The following IBTK variants were observed in gnomAD, a reference collection of about 807,000 sequenced individuals.
IBTK encodes the protein inhibitor of Bruton tyrosine kinase.
Under a neutral mutation model 154.9 loss-of-function variants are expected in IBTK, and 83 were observed. The observed-to-expected ratio is 0.54, with a 90% confidence interval of 0.45 to 0.64. The LOEUF is 0.64. Among genes scored for constraint, IBTK ranks in the 30% least tolerant of loss-of-function variants. The probability of loss-of-function intolerance (pLI) is 0.00; values close to 1 mark genes in which losing one functional copy is unlikely to be tolerated. For missense variants in IBTK, 1,332 were observed against 1,584.6 expected, an observed-to-expected ratio of 0.84 and a Z score of 2.71; for synonymous variants, 515 against 536.1, an observed-to-expected ratio of 0.96 and a Z score of 0.54.
intron 20 of IBTK, 49 bp downstream of exon 20, chr6:82,200,538 A>G: frequency 7.0e-7 from 1 of 1,427,170 alleles, no homozygotes; most frequent in African/African-American, 1.5e-5. Flanking sequence ...CACTGGAGAA[A>G]AGAAGGAAGA....
At chr6:82,223,687 A>G (rs2127820354) in intron 7 of IBTK, 67 bp from the exon 8 acceptor site, 1 of 1,354,048 alleles carries the variant, frequency 7.4e-7, no homozygotes, top group East Asian at 2.4e-5. Context: ...AGCCAAGCAC[A>G]GTGTCTCATG....
chr6:82,217,139 T>A (rs971030693), intron 10 of IBTK, among the ~76,000 whole-genome samples: 1 of 152,110 alleles, frequency 6.6e-6, no homozygotes, highest in South Asian at 2.1e-4. Context: ...AATCTGAGTG[T>A]CAAAGATAAT....
intron 1 of IBTK, among the ~76,000 whole-genome samples, chr6:82,246,332 A>AT (rs1282136882): frequency 1.3e-5 from 2 of 150,000 alleles, no homozygotes; most frequent in Non-Finnish European, 3.0e-5. Context: ...TGCCTGGCTG[A>AT]TTTTTTTGTA....
At chr6:82,211,013 C>G (rs1241598539) in intron 15 of IBTK, 103 bp from the exon 16 acceptor site, 1 of 527,554 alleles carries the variant, frequency 1.9e-6, no homozygotes, top group East Asian at 3.4e-5. Flanking sequence ...AACAGGAAAT[C>G]ACATCAAATG....
chr6:82,196,837 G>T (rs1769005989), intron 21 of IBTK, among the ~76,000 whole-genome samples: 1 of 152,258 alleles, frequency 6.6e-6, no homozygotes, highest in East Asian at 1.9e-4. Context: ...TTGGTACAGT[G>T]GTCTCCGCAC....
intron 17 of IBTK, among the ~76,000 whole-genome samples, chr6:82,204,329 A>T (rs1410853124): frequency 1.3e-5 from 2 of 152,170 alleles, no homozygotes; most frequent in Admixed American, 6.5e-5. Flanking sequence ...CCAAAATAAT[A>T]AAGAAAAACT....
chr6:82,239,431 C>T (rs571971711), intron 2 of IBTK, among the ~76,000 whole-genome samples: 13 of 151,896 alleles, frequency 8.6e-5, no homozygotes, highest in East Asian at 1.9e-4. Context: ...GGCGACAGAG[C>T]GAAACTCCAT....
At chr6:82,194,678 C>A (rs1185211150) in intron 22 of IBTK, 36 bp from the exon 23 acceptor site, 6 of 1,463,668 alleles carry the variant, frequency 4.1e-6, no homozygotes, top group South Asian at 3.1e-5. Context: ...AGTTAACAGG[C>A]ACCTAGAACA....
chr6:82,227,348 ATCCTT>A, intron 4 of IBTK, 46 bp from the exon 5 acceptor site: 1 of 1,125,734 alleles, frequency 8.9e-7, no homozygotes, highest in Non-Finnish European at 1.3e-6. Context: ...TGAATAAAAT[ATCCTT>A]TATTTTATGA....
intron 4 of IBTK, 141 bp downstream of exon 4, chr6:82,231,577 C>A: frequency 1.8e-6 from 1 of 544,698 alleles, no homozygotes; most frequent in Non-Finnish European, 3.1e-6. Context: ...ATAAAATTAG[C>A]AAAGTTCTAT....
intron 9 of IBTK, among the ~76,000 whole-genome samples, chr6:82,218,435 T>C (rs1179909812): frequency 6.6e-6 from 1 of 152,166 alleles, no homozygotes; most frequent in East Asian, 1.9e-4. Context: ...ACAGATGTGC[T>C]ACAATGCTAA....
rs1270151835 is a variant in IBTK, at chr6:82,182,013, A to C, written c.3591T>G (p.His1197Gln). 6.3e-7 allele frequency: 1 copy of C among 1,598,928 alleles called. No individual in the cohort carries two copies. The highest frequency in any genetic ancestry group is 2.3e-5 in the East Asian group (1 of 44,384). ...KPVNAWASSL[H>Q]SVSSKSFRDF... Reference sequence around the variant, plus strand: ...CCCGGAATGACTTGGATGAAACTGAATGCAGAGAAGATGCCCTGCAAAAGA... The same window carrying C: ...CCCGGAATGACTTGGATGAAACTGACTGCAGAGAAGATGCCCTGCAAAAGA... Residue 1197 changes from histidine to glutamine, a missense_variant, in exon 26 of 29, where the codon CAT becomes CAG. By Grantham distance (24) the His-to-Gln change is conservative. Transcript: ENST00000306270.
At chr6:82,213,542 T>A (rs1457799139) in intron 12 of IBTK, among the ~76,000 whole-genome samples, 1 of 152,172 alleles carries the variant, frequency 6.6e-6, no homozygotes, top group Non-Finnish European at 1.5e-5. Context: ...TCCCATTTCT[T>A]ATATTGAGAA....
chr6:82,206,222 A>T (rs947686714), intron 16 of IBTK, among the ~76,000 whole-genome samples: 1 of 152,162 alleles, frequency 6.6e-6, no homozygotes, highest in South Asian at 2.1e-4. Flanking sequence ...AATCACAGGG[A>T]ATCACATTGA....
chr6:82,200,821 G>A lies in IBTK; in HGVS notation c.2791-113C>T, dbSNP rs112327391. 3.3e-3 allele frequency: 3,924 copies of A among 1,190,810 alleles called. 6 individuals are homozygous for A. The highest frequency in any genetic ancestry group is 3.8e-3 in the Non-Finnish European group (3,423 of 910,882). The allele number at this position is 1,190,810 out of a possible 1,614,324, so 73.8% of individuals were successfully genotyped here. A position where few individuals can be genotyped will look rare whatever the true frequency, so the allele number is the denominator to read the frequency against. ...CTTGCCATGTTGGCCAGGCTGTTTG[G>A]AACACCTGGCCCCAAGCAAACCTCC... On this transcript the variant is annotated intron_variant, in intron 19 of 28. Coordinates refer to ENST00000306270, the MANE Select transcript of IBTK (RefSeq NM_015525.4).
intron 3 of IBTK, among the ~76,000 whole-genome samples, chr6:82,232,454 A>C (rs549430259): frequency 6.6e-6 from 1 of 152,350 alleles, no homozygotes; most frequent in East Asian, 1.9e-4. Context: ...CTGGAATACA[A>C]ATCACAGCTA....
At chr6:82,209,337 T>C (rs1381873328) in intron 16 of IBTK, among the ~76,000 whole-genome samples, 3 of 152,190 alleles carry the variant, frequency 2.0e-5, no homozygotes, top group Non-Finnish European at 2.9e-5. Context: ...CATCAACTGA[T>C]GAATAAATGT....
intron 17 of IBTK, 90 bp from the exon 18 acceptor site, chr6:82,202,735 T>C: frequency 1.5e-6 from 1 of 687,388 alleles, no homozygotes; most frequent in Non-Finnish European, 2.4e-6. Flanking sequence ...CTGTACGATT[T>C]GAACATTTGG....
At chr6:82,225,700 G>T in intron 5 of IBTK, 53 bp from the exon 6 acceptor site, 1 of 1,325,946 alleles carries the variant, frequency 7.5e-7, no homozygotes, top group Non-Finnish European at 1.1e-6. Flanking sequence ...ATACAGATAT[G>T]CAAATAGAAT....
Sources: gnomAD v4.1 joint callset for allele counts (sites outside exome capture counted in the v4.1 genomes callset) on GRCh38, gnomAD v4.1.1 for gene constraint, MANE v1.5 for transcripts, NCBI Gene and HGNC (gene_info 2026-07-23, HGNC 2026-07-21) for gene names.